The following BTNL3 variants were observed in gnomAD, a reference collection of about 807,000 sequenced individuals.
The protein encoded by BTNL3 is butyrophilin-like protein 3.
Under a neutral mutation model 40.1 loss-of-function variants are expected in BTNL3, and 20 were observed. That is an observed-to-expected ratio of 0.50 (90% CI 0.35 to 0.72). The LOEUF (loss-of-function observed/expected upper bound fraction) is 0.72. Among genes scored for constraint, BTNL3 ranks in the 30% least tolerant of loss-of-function variants. BTNL3 has a pLI of 0.01. For missense variants in BTNL3, 449 were observed against 582.2 expected, an observed-to-expected ratio of 0.77 and a Z score of 2.35; for synonymous variants, 179 against 222.1, an observed-to-expected ratio of 0.81 and a Z score of 1.73.
Position 181,005,405 on chromosome 5 carries a change from A to C in BTNL3, c.934A>C (p.Arg312=). The change falls in exon 8 of 8, where the codon AGA becomes CGA. Residue 312 remains arginine, a synonymous_variant. Coordinates refer to ENST00000342868, the MANE Select transcript of BTNL3 (RefSeq NM_197975.3). ...TTCTGATCTGAAAACTGTAACCCAT[A>C]GAAAAGCTCCCCAGGAGGTGCCTCA... ...CVSDLKTVTH[R]KAPQEVPHSE... 2 of 1,613,944 alleles carry C rather than the reference A, an allele frequency of 1.2e-6. No individual in the cohort carries two copies. The highest frequency in any genetic ancestry group is 8.5e-7 in the Non-Finnish European group (1 of 1,179,962).
rs369414857 is a variant in BTNL3, at chr5:180,992,632, G to A, written c.50-181G>A. On this transcript the variant is annotated intron_variant, in intron 1 of 7. Coordinates refer to ENST00000342868, the MANE Select transcript of BTNL3 (RefSeq NM_197975.3). ...CTCACATGAGATGTGTGTGAGAACC[G>A]AGTGAAGTAACTGACATGGAAGCAT... Among the ~76,000 whole-genome samples the A allele has an allele frequency of 1.6e-4, 22 of 137,380 alleles. 2 individuals are homozygous for A. Among genetic ancestry groups the A allele is most frequent in the East Asian group, 6.5e-4 (3 of 4,636 alleles). 90.1% of individuals were successfully genotyped at this position (137,380 alleles called of 152,430 possible). A position where few individuals can be genotyped will look rare whatever the true frequency, so the allele number is the denominator to read the frequency against.
intron 1 of BTNL3, among the ~76,000 whole-genome samples, chr5:180,990,835 G>A (rs914997282): frequency 2.9e-5 from 4 of 137,206 alleles, no homozygotes; most frequent in Admixed American, 1.5e-4. Flanking sequence ...GTGCGCTAAT[G>A]AGCAGGTTGC....
Position 180,993,223 on chromosome 5 carries a change from A to C in BTNL3, c.397+63A>C. The C allele has an allele frequency of 1.5e-6, 2 of 1,374,972 alleles. 1 individual carries two copies. The highest frequency in any genetic ancestry group is 2.0e-6 in the Non-Finnish European group (2 of 1,015,788). The allele number at this position is 1,374,972 out of a possible 1,614,324, so 85.2% of individuals were successfully genotyped here. A position where few individuals can be genotyped will look rare whatever the true frequency, so the allele number is the denominator to read the frequency against. ...TCATGCTACCATTATCAGCTCTTAA[A>C]AGTATTTCAGATAATGAAATAAAAC... On this transcript the variant is annotated intron_variant, in intron 2 of 7. Coordinates refer to ENST00000342868, the MANE Select transcript of BTNL3 (RefSeq NM_197975.3).
At chr5:181,001,217 G>A (rs1201805947) in intron 3 of BTNL3, among the ~76,000 whole-genome samples, 3 of 137,042 alleles carry the variant, frequency 2.2e-5, no homozygotes, top group Admixed American at 1.5e-4. Context: ...TTTCAGATAA[G>A]AAGATGCATG....
chr5:180,998,080 G>A (rs1582088056), intron 3 of BTNL3, among the ~76,000 whole-genome samples: 2 of 132,220 alleles, frequency 1.5e-5, no homozygotes, highest in Non-Finnish European at 3.4e-5. Context: ...TCTCAAAAAT[G>A]TAAAAATAAA....
Position 181,005,849 on chromosome 5 carries a change from A to G in BTNL3, c.1378A>G (p.Ile460Val), listed in dbSNP as rs544104208. 1.2e-6 allele frequency: 2 copies of G among 1,610,116 alleles called. No individual in the cohort carries two copies. Among genetic ancestry groups the G allele is most frequent in the Non-Finnish European group, 1.7e-6 (2 of 1,177,926 alleles). The change falls in exon 8 of 8, where the codon ATA becomes GTA. Residue 460 changes from isoleucine to valine, a missense_variant. Around this residue, in one of 2 missense-constraint regions of BTNL3, gnomAD observed 126 missense variants for 117.2 expected, o/e 1.07. Coordinates refer to ENST00000342868, the MANE Select transcript of BTNL3 (RefSeq NM_197975.3). ...YDEEKGTPIF[I>V]CPVSWG ...CGAGGAAAAGGGGACTCCCATATTC[A>G]TATGTCCAGTGTCCTGGGGATGAGA...
At chr5:180,991,429 C>A (rs1392704108) in intron 1 of BTNL3, among the ~76,000 whole-genome samples, 3 of 136,554 alleles carry the variant, frequency 2.2e-5, no homozygotes, top group South Asian at 2.2e-4. Flanking sequence ...AGAGACACTG[C>A]CAATCAAAGG....
intron 3 of BTNL3, among the ~76,000 whole-genome samples, chr5:181,001,770 G>A (rs531798938): frequency 2.2e-5 from 3 of 135,202 alleles, no homozygotes; most frequent in Admixed American, 7.9e-5. Context: ...GCGTGAACCC[G>A]GGAGGCAGAG....
chr5:180,989,065 G>T lies in BTNL3; in HGVS notation c.37G>T (p.Glu13Ter). 6.9e-7 allele frequency: 1 copy of T among 1,446,982 alleles called. No individual in the cohort carries two copies. The highest frequency in any genetic ancestry group is 9.5e-7 in the Non-Finnish European group (1 of 1,050,426). The allele number at this position is 1,446,982 out of a possible 1,614,324, so 89.6% of individuals were successfully genotyped here. Residue 13 changes from glutamate to a stop codon, truncating the protein, a stop_gained, in exon 1 of 8, where the codon GAG becomes TAG. Coordinates refer to ENST00000342868, the MANE Select transcript of BTNL3 (RefSeq NM_197975.3). LOFTEE classifies it high-confidence loss of function. ...FVLILVLSFY[E>*]LVSGQWQVTG... Reference sequence around the variant, plus strand: ...GCTCATTTTGGTTCTCAGTTTCTACGAGCTGGTGTCAGGTAAGCCTTTCAG... The same window carrying T: ...GCTCATTTTGGTTCTCAGTTTCTACTAGCTGGTGTCAGGTAAGCCTTTCAG...
chr5:181,006,230 A>G lies in BTNL3; in HGVS notation c.*358A>G. 1 of 404,494 alleles carries G rather than the reference A, an allele frequency of 2.5e-6. No homozygotes were observed. The highest frequency in any genetic ancestry group is 4.4e-6 in the Non-Finnish European group (1 of 229,874). The allele number at this position is 404,494 out of a possible 1,614,324, so 25.1% of individuals were successfully genotyped here. On this transcript the variant is annotated 3_prime_UTR_variant, in exon 8 of 8. Coordinates refer to ENST00000342868, the MANE Select transcript of BTNL3 (RefSeq NM_197975.3). ...CCTCATTTGCTAGTCACGGACAGTGATTCCTGCCTCACAGGTGAAGATTAA... is the reference window on the plus strand; with the variant it reads ...CCTCATTTGCTAGTCACGGACAGTGGTTCCTGCCTCACAGGTGAAGATTAA...
At position 181,005,592 on chromosome 5, in the gene BTNL3, A is replaced by G. The variant is rs1561961888; in HGVS notation, c.1121A>G (p.Asn374Ser). 1 of 1,614,060 alleles carries G rather than the reference A, an allele frequency of 6.2e-7. No homozygotes were observed. Among genetic ancestry groups the G allele is most frequent in the Non-Finnish European group, 8.5e-7 (1 of 1,180,000 alleles). ...RGKNNVTLSP[N>S]NGYWVLRLTT... is the part of the protein sequence containing the mutation. ...AAGAACAATGTGACTTTGTCTCCCA[A>G]CAATGGGTATTGGGTCCTCAGACTG... Residue 374 changes from asparagine to serine, a missense_variant, in exon 8 of 8, where the codon AAC becomes AGC. Physicochemically the swap from Asn to Ser is conservative, Grantham distance 46 (BLOSUM62 1). Coordinates refer to ENST00000342868, the MANE Select transcript of BTNL3 (RefSeq NM_197975.3).
At position 181,005,451 on chromosome 5, in the gene BTNL3, G is replaced by A. The variant is rs184012467; in HGVS notation, c.980G>A (p.Arg327Lys). 9.9e-6 allele frequency: 16 copies of A among 1,614,020 alleles called. No homozygotes were observed. The African/African-American group carries it at 1.2e-4, about 12-fold the overall frequency. Residue 327 changes from arginine to lysine, a missense_variant, in exon 8 of 8, where the codon AGG becomes AAG. By Grantham distance (26) the Arg-to-Lys change is conservative (BLOSUM62 2). Around this residue, in one of 2 missense-constraint regions of BTNL3, gnomAD observed 323 missense variants for 464.9 expected, o/e 0.69. Transcript: ENST00000342868. ...EVPHSEKRFT[R>K]KSVVASQGFQ... is the part of the protein sequence containing the mutation. ...CCTCACTCTGAGAAGAGATTTACAA[G>A]GAAGAGTGTGGTGGCTTCTCAGGGT...
At chr5:180,989,241 G>A (rs1759940082) in intron 1 of BTNL3, among the ~76,000 whole-genome samples, 164 bp downstream of exon 1, 1 of 137,124 alleles carries the variant, frequency 7.3e-6, no homozygotes, top group African/African-American at 2.5e-5. Flanking sequence ...AGGAGCTGTG[G>A]GAAGCACAGG....
chr5:180,999,063 G>T lies in BTNL3; in HGVS notation c.673+1575G>T, dbSNP rs956478175. Among the ~76,000 whole-genome samples the T allele has an allele frequency of 1.6e-3, 220 of 136,494 alleles. 23 individuals are homozygous for T. The highest frequency in any genetic ancestry group is 5.4e-3 in the African/African-American group (216 of 39,768). The allele number at this position is 136,494 out of a possible 152,430, so 89.5% of individuals were successfully genotyped here. A position where few individuals can be genotyped will look rare whatever the true frequency, so the allele number is the denominator to read the frequency against. On this transcript the variant is annotated intron_variant, in intron 3 of 7. Coordinates refer to ENST00000342868, the MANE Select transcript of BTNL3 (RefSeq NM_197975.3). ...AATTGCTTGAACCCGGGAGGCGGAG[G>T]TTGCGGTGAGCCGAGATCATGCCAC...
In BTNL3 at chr5:180,993,791, ATTTTTAT is replaced by A. The variant is rs909997328; in HGVS notation, c.397+650_397+656del. ...GTTTAAACCATCATATATAATTTTC[ATTTTTAT>A]TTTTTATTTTTTATTTTTCTTTGAG... is the stretch of plus-strand genomic sequence containing the variant. On this transcript the variant is annotated intron_variant, in intron 2 of 7. Coordinates refer to ENST00000342868, the MANE Select transcript of BTNL3 (RefSeq NM_197975.3). Among the ~76,000 whole-genome samples, 13 of 136,238 alleles carry A rather than the reference ATTTTTAT, an allele frequency of 9.5e-5. 1 individual carries two copies. The highest frequency in any genetic ancestry group is 4.3e-4 in the South Asian group (2 of 4,612). The allele number at this position is 136,238 out of a possible 152,430, so 89.4% of individuals were successfully genotyped here. A position where few individuals can be genotyped will look rare whatever the true frequency, so the allele number is the denominator to read the frequency against.
chr5:180,993,046 G>A lies in BTNL3; in HGVS notation c.283G>A (p.Gly95Arg). The change falls in exon 2 of 8, where the codon GGG becomes AGG. Residue 95 changes from glycine (G) to arginine (R), a missense_variant. This residue lies in a region of BTNL3 where 323 missense variants were observed against 464.9 expected (regional missense o/e 0.69). Transcript: ENST00000342868. ...TEFVKDSIAG[G>R]RVSLRLKNIT... ...GTTTGTGAAGGACTCCATTGCAGGGGGGCGTGTCTCTCTAAGGCTAAAAAA... is the reference window on the plus strand; with the variant it reads ...GTTTGTGAAGGACTCCATTGCAGGGAGGCGTGTCTCTCTAAGGCTAAAAAA... 6.9e-6 allele frequency: 10 copies of A among 1,457,164 alleles called. 1 individual carries two copies. The highest frequency in any genetic ancestry group is 1.4e-5 in the African/African-American group (1 of 72,356). The allele number at this position is 1,457,164 out of a possible 1,614,324, so 90.3% of individuals were successfully genotyped here.
At position 180,994,122 on chromosome 5, in the gene BTNL3, C is replaced by T. The variant is rs1195959103; in HGVS notation, c.397+962C>T. ...CCAGCACATATGTGATTGTTAAACA[C>T]TAATAAAATGGAAAATCTATTGTAG... On this transcript the variant is annotated intron_variant, in intron 2 of 7. Transcript: ENST00000342868. Among the ~76,000 whole-genome samples the T allele has an allele frequency of 2.9e-5, 4 of 137,548 alleles. 1 individual carries two copies. Among genetic ancestry groups the T allele is most frequent in the Non-Finnish European group, 6.7e-5 (4 of 60,012 alleles). The allele number at this position is 137,548 out of a possible 152,430, so 90.2% of individuals were successfully genotyped here. A position where few individuals can be genotyped will look rare whatever the true frequency, so the allele number is the denominator to read the frequency against.
rs1325733053 is a variant in BTNL3 at position 180,989,478 on chromosome 5, G to A, written c.49+401G>A. Reference sequence around the variant, plus strand: ...GGGTGCCTGGGTGGAAGGTGGCACTGTTTAGGATGTTTGGAGAAAAAGACA... The same window carrying A: ...GGGTGCCTGGGTGGAAGGTGGCACTATTTAGGATGTTTGGAGAAAAAGACA... On this transcript the variant is annotated intron_variant, in intron 1 of 7. Coordinates refer to ENST00000342868, the MANE Select transcript of BTNL3 (RefSeq NM_197975.3). Among the ~76,000 whole-genome samples the A allele has an allele frequency of 3.7e-5, 5 of 136,948 alleles. 2 individuals are homozygous for A. The highest frequency in any genetic ancestry group is 8.4e-5 in the Non-Finnish European group (5 of 59,818). 89.8% of individuals were successfully genotyped at this position (136,948 alleles called of 152,430 possible). A position where few individuals can be genotyped will look rare whatever the true frequency, so the allele number is the denominator to read the frequency against.
rs186813312 is a variant in BTNL3, at chr5:181,005,682, C to G, written c.1211C>G (p.Pro404Arg). ...HFISLPPSTP[P>R]TRVGVFLDYE... ...ATCAGCCTCCCCCCCAGCACCCCTC[C>G]TACACGAGTAGGGGTCTTCCTGGAC... is the stretch of plus-strand genomic sequence containing the variant. Residue 404 changes from proline (P) to arginine (R), a missense_variant, in exon 8 of 8, where the codon CCT (proline) becomes CGT (arginine). Physicochemically the swap from Pro to Arg is moderately radical, Grantham distance 103. Around this residue, in one of 2 missense-constraint regions of BTNL3, gnomAD observed 126 missense variants for 117.2 expected, o/e 1.07. Coordinates refer to ENST00000342868, the MANE Select transcript of BTNL3 (RefSeq NM_197975.3). The G allele has an allele frequency of 6.2e-7, 1 of 1,614,036 alleles. No individual in the cohort carries two copies. The highest frequency in any genetic ancestry group is 1.3e-5 in the African/African-American group (1 of 74,916).
Sources: allele counts gnomAD v4.1 joint callset (sites outside exome capture counted in the v4.1 genomes callset), GRCh38; gene constraint gnomAD v4.1.1; regional missense constraint gnomAD v4.1.1; transcripts MANE v1.5; gene names NCBI Gene and HGNC (gene_info 2026-07-23, HGNC 2026-07-21).